The following MECOM variants were observed in gnomAD, a reference collection of about 807,000 sequenced individuals.
MECOM encodes the protein histone-lysine N-methyltransferase MECOM.
MECOM carries 13 observed loss-of-function variants against 116.3 expected under a neutral mutation model. The observed-to-expected ratio is 0.11, with a 90% CI of 0.07 to 0.18. The LOEUF (loss-of-function observed/expected upper bound fraction) is 0.18, where lower values mean the gene tolerates loss of function less well. Ranked by LOEUF, MECOM falls within the 10% of genes least tolerant of loss-of-function variation. The pLI is 1.00. For synonymous variants in MECOM, 528 were observed against 535.2 expected (o/e 0.99, Z 0.19); for missense variants, 1,299 against 1,509.0 (o/e 0.86, Z 2.31).
intron 2 of MECOM, among the ~76,000 whole-genome samples, chr3:169,321,796 A>T (rs1481445432): frequency 6.6e-6 from 1 of 152,234 alleles, no homozygotes. Flanking sequence ...TTACCAAAAC[A>T]TGAGACATGG....
chr3:169,587,426 A>AACACACAC (rs3980637), intron 1 of MECOM, among the ~76,000 whole-genome samples: 6 of 141,086 alleles, frequency 4.3e-5, no homozygotes, highest in East Asian at 4.2e-4. Flanking sequence ...CCCACACGCC[A>AACACACAC]ACACACACAC....
intron 2 of MECOM, among the ~76,000 whole-genome samples, chr3:169,336,992 T>A (rs564385830): frequency 6.6e-6 from 1 of 152,300 alleles, no homozygotes; most frequent in Non-Finnish European, 1.5e-5. Flanking sequence ...CTAGAATAAC[T>A]ATTTTTTAAA....
intron 2 of MECOM, among the ~76,000 whole-genome samples, chr3:169,347,484 C>T (rs960795167): frequency 1.1e-4 from 16 of 151,834 alleles, no homozygotes; most frequent in East Asian, 3.9e-4. Flanking sequence ...TAGAGAGACA[C>T]GGAGTATTTA....
chr3:169,427,373 T>A (rs117444949), intron 1 of MECOM, among the ~76,000 whole-genome samples: 1 of 152,148 alleles, frequency 6.6e-6, no homozygotes, highest in Non-Finnish European at 1.5e-5. Flanking sequence ...GCTAATTATG[T>A]CAAAGAATGA....
rs181313172 is a variant in MECOM, at chr3:169,101,954, G to T, written c.2771+106C>A. On this transcript the variant is annotated intron_variant, in intron 11 of 16. Coordinates refer to ENST00000651503, the MANE Select transcript of MECOM (RefSeq NM_004991.4). ...GAAGTGCTGGAGATCTATTATGGTG[G>T]CTATTAATCATCTAATCAGGAATAA... 78 of 1,027,320 alleles carry T rather than the reference G, an allele frequency of 7.6e-5. No individual in the cohort carries two copies. In the African/African-American group the frequency reaches 1.1e-3, roughly 14 times the overall value. 63.6% of individuals were successfully genotyped at this position (1,027,320 alleles called of 1,614,324 possible). A position where few individuals can be genotyped will look rare whatever the true frequency, so the allele number is the denominator to read the frequency against.
intron 2 of MECOM, among the ~76,000 whole-genome samples, chr3:169,363,693 C>G (rs1198451477): frequency 6.6e-6 from 1 of 151,870 alleles, no homozygotes; most frequent in East Asian, 1.9e-4. Context: ...AAAAGTCAGC[C>G]TGGCCGAAAA....
At chr3:169,659,392 G>C (rs1775954173) in intron 1 of MECOM, among the ~76,000 whole-genome samples, 1 of 147,056 alleles carries the variant, frequency 6.8e-6, no homozygotes, top group African/African-American at 2.5e-5. Flanking sequence ...CACAGTGCTG[G>C]AGATGAGGGA....
chr3:169,415,641 A>G (rs1178597855), intron 1 of MECOM, among the ~76,000 whole-genome samples: 1 of 152,156 alleles, frequency 6.6e-6, no homozygotes, highest in Admixed American at 6.5e-5. Flanking sequence ...GACCCATCTC[A>G]TATGCAAAGA....
In MECOM at chr3:169,603,949, T is replaced by C. The variant is rs145340011; in HGVS notation, c.37+59387A>G. ...ACTGACAGAGACTCTGTAGAGAGTC[T>C]GAAGAAGCTTTTTGGCACTCTAAGA... On this transcript the variant is annotated intron_variant, in intron 1 of 16. Coordinates refer to ENST00000651503, the MANE Select transcript of MECOM (RefSeq NM_004991.4). Among the ~76,000 whole-genome samples, 84 of 152,316 alleles carry C rather than the reference T, an allele frequency of 5.5e-4. No homozygotes were observed. In the Middle Eastern group the frequency reaches 0.017, roughly 31 times the overall value.
intron 1 of MECOM, among the ~76,000 whole-genome samples, chr3:169,558,932 C>A (rs1172146345): frequency 6.6e-6 from 1 of 152,096 alleles, no homozygotes; most frequent in Non-Finnish European, 1.5e-5. Context: ...TAGACCCAGT[C>A]AGAGAGAACT....
chr3:169,290,185 A>G (rs1714234432), intron 2 of MECOM, among the ~76,000 whole-genome samples: 1 of 152,200 alleles, frequency 6.6e-6, no homozygotes, highest in Admixed American at 6.6e-5. Flanking sequence ...AAGACAAAGC[A>G]TGCTGTATCC....
chr3:169,229,158 G>A, intron 2 of MECOM, among the ~76,000 whole-genome samples: 1 of 152,092 alleles, frequency 6.6e-6, no homozygotes, highest in East Asian at 1.9e-4. Flanking sequence ...ATAAAAATCT[G>A]CTCTGCTGTA....
intron 1 of MECOM, among the ~76,000 whole-genome samples, chr3:169,527,943 G>A (rs1758149816): frequency 6.6e-6 from 1 of 152,160 alleles, no homozygotes; most frequent in Non-Finnish European, 1.5e-5. Flanking sequence ...GAAGTTTGAT[G>A]TGCATACTTA....
At chr3:169,150,202 T>C (rs1740973166) in intron 2 of MECOM, among the ~76,000 whole-genome samples, 1 of 152,168 alleles carries the variant, frequency 6.6e-6, no homozygotes, top group South Asian at 2.1e-4. Context: ...TAAGAATTAT[T>C]TAGAAGACCT....
intron 2 of MECOM, among the ~76,000 whole-genome samples, chr3:169,175,958 T>C (rs1745094711): frequency 6.6e-6 from 1 of 152,138 alleles, no homozygotes; most frequent in African/African-American, 2.4e-5. Context: ...AGTGAGGCTT[T>C]TATAAATTCT....
chr3:169,324,557 A>G (rs1239643915), intron 2 of MECOM, among the ~76,000 whole-genome samples: 1 of 152,238 alleles, frequency 6.6e-6, no homozygotes, highest in Non-Finnish European at 1.5e-5. Context: ...ATTATTTGAC[A>G]AAGGAACAAA....
At chr3:169,654,339 T>C (rs919504859) in intron 1 of MECOM, among the ~76,000 whole-genome samples, 3 of 152,196 alleles carry the variant, frequency 2.0e-5, no homozygotes, top group African/African-American at 7.2e-5. Flanking sequence ...CCCGAACATA[T>C]ATGACCTTCC....
chr3:169,274,412 T>C (rs1005480203), intron 2 of MECOM, among the ~76,000 whole-genome samples: 1 of 152,240 alleles, frequency 6.6e-6, no homozygotes, highest in Non-Finnish European at 1.5e-5. Context: ...TTCTTAGCAC[T>C]ACACTGTTTT....
chr3:169,451,852 C>T (rs755606467), intron 1 of MECOM, among the ~76,000 whole-genome samples: 4 of 151,904 alleles, frequency 2.6e-5, no homozygotes, highest in Admixed American at 6.6e-5. Context: ...AGCTATCCTG[C>T]GAGCATGTTT....
Sources: allele counts gnomAD v4.1 joint callset (sites outside exome capture counted in the v4.1 genomes callset), GRCh38; gene constraint gnomAD v4.1.1; transcripts MANE v1.5; gene names NCBI Gene and HGNC (gene_info 2026-07-23, HGNC 2026-07-21).